LOXL2: variants seen among roughly 807,000 people sequenced by gnomAD.
LOXL2 encodes lysyl oxidase homolog 2.
Under a neutral mutation model 93.0 loss-of-function variants are expected in LOXL2, and 70 were observed. The ratio of observed to expected loss-of-function variants is 0.75; its 90% CI spans 0.62 to 0.92. The LOEUF is 0.92. Among genes scored for constraint, LOXL2 ranks in the 40% least tolerant of loss-of-function variants. The pLI is 0.00. For missense variants in LOXL2, 973 were observed against 1,054.9 expected (o/e 0.92, Z 1.08); for synonymous variants, 438 against 413.2 (o/e 1.06, Z -0.73).
chr8:23,397,815 C>T (rs1450236637), intron 1 of LOXL2, among the ~76,000 whole-genome samples: 4 of 148,852 alleles, frequency 2.7e-5, no homozygotes, highest in South Asian at 2.1e-4. Context: ...TATGCTTTTC[C>T]GTGGGCATAG....
chr8:23,402,089 C>A (rs188903814), intron 1 of LOXL2, among the ~76,000 whole-genome samples: 3 of 152,080 alleles, frequency 2.0e-5, no homozygotes, highest in African/African-American at 7.2e-5. Context: ...CATACACATG[C>A]AAACATGCAC....
At chr8:23,349,461 C>A (rs1434407351) in intron 3 of LOXL2, among the ~76,000 whole-genome samples, 1 of 152,114 alleles carries the variant, frequency 6.6e-6, no homozygotes, top group Non-Finnish European at 1.5e-5. Flanking sequence ...CTGTGTGAGA[C>A]CCTAAAAGGA....
At position 23,322,168 on chromosome 8, in the gene LOXL2, C is replaced by T; in HGVS notation, c.1264G>A (p.Val422Met). 6.2e-7 allele frequency: 1 copy of T among 1,614,240 alleles called. No homozygotes were observed. The highest frequency in any genetic ancestry group is 8.5e-7 in the Non-Finnish European group (1 of 1,180,036). Residue 422 changes from valine (V) to methionine (M), a missense_variant, in exon 7 of 14, where the codon GTG becomes ATG. Val to Met is a conservative substitution (Grantham distance 21). Transcript: ENST00000389131. ...CCCATGGCAGGGGTGTTGCATCTCA[C>T]ACCAGCATCCTCCTCGTGGTTGCAG... ...QGCNHEEDAG[V>M]RCNTPAMGLQ...
intron 3 of LOXL2, among the ~76,000 whole-genome samples, chr8:23,343,388 C>T (rs1026255929): frequency 6.6e-6 from 1 of 152,220 alleles, no homozygotes; most frequent in Non-Finnish European, 1.5e-5. Flanking sequence ...CAGTTCCCTC[C>T]CTAGGGCCAC....
At chr8:23,324,242 G>A (rs917320785) in intron 6 of LOXL2, among the ~76,000 whole-genome samples, 2 of 152,174 alleles carry the variant, frequency 1.3e-5, no homozygotes, top group African/African-American at 4.8e-5. Context: ...AACTTGCGTG[G>A]CTGTCTCAGC....
chr8:23,304,591 A>G (rs1803198010), intron 10 of LOXL2, among the ~76,000 whole-genome samples: 2 of 152,216 alleles, frequency 1.3e-5, no homozygotes. Context: ...CTCTTCGGCA[A>G]AGAGGGGAGG....
intron 1 of LOXL2, among the ~76,000 whole-genome samples, chr8:23,390,235 G>A (rs181168501): frequency 2.0e-5 from 3 of 152,286 alleles, no homozygotes; most frequent in Admixed American, 2.0e-4. Flanking sequence ...TGGCCCCACG[G>A]GGAACACATT....
chr8:23,304,699 C>G (rs1286981098), intron 10 of LOXL2, among the ~76,000 whole-genome samples: 2 of 152,168 alleles, frequency 1.3e-5, no homozygotes, highest in African/African-American at 2.4e-5. Context: ...ACTTGACATA[C>G]CTGTCCCCTT....
chr8:23,342,791 C>T (rs1000100330), intron 3 of LOXL2, among the ~76,000 whole-genome samples: 3 of 151,960 alleles, frequency 2.0e-5, no homozygotes, highest in Non-Finnish European at 4.4e-5. Flanking sequence ...CACTCTGTTG[C>T]CCAGGCTGGA....
intron 1 of LOXL2, among the ~76,000 whole-genome samples, chr8:23,376,676 A>C (rs1479366421): frequency 1.3e-5 from 2 of 152,100 alleles, no homozygotes; most frequent in African/African-American, 2.4e-5. Context: ...GGGAGAGTGT[A>C]TGTGTCCAGG....
chr8:23,340,977 G>A lies in LOXL2; in HGVS notation c.743+15C>T, dbSNP rs771377828. On this transcript the variant is annotated intron_variant, in intron 4 of 13. Coordinates refer to ENST00000389131, the MANE Select transcript of LOXL2 (RefSeq NM_002318.3). Reference sequence around the variant, plus strand: ...GGATACCCTCAAAGCCACCCCTTTGGTGCAGTCCTCTTACTTGTACACTTT... The same window carrying A: ...GGATACCCTCAAAGCCACCCCTTTGATGCAGTCCTCTTACTTGTACACTTT... 6.2e-7 allele frequency: 1 copy of A among 1,608,178 alleles called. No individual in the cohort carries two copies. The highest frequency in any genetic ancestry group is 2.2e-5 in the East Asian group (1 of 44,862).
Position 23,317,096 on chromosome 8 carries a change from C to T in LOXL2, c.1489G>A (p.Gly497Arg), listed in dbSNP as rs370872248. ...NAFQETWYWH[G>R]DVNSNKVVMS... ...ACCACTTTGTTGCTGTTGACATCTC[C>T]GTGCCAATACCAGGTCTCCTGGAAG... Residue 497 changes from glycine (G) to arginine (R), a missense_variant, in exon 9 of 14, where the codon GGA becomes AGA. By Grantham distance (125) the Gly-to-Arg change is moderately radical (BLOSUM62 -2). Transcript: ENST00000389131. 22 of 1,614,066 alleles carry T rather than the reference C, an allele frequency of 1.4e-5. No individual in the cohort carries two copies. The highest frequency in any genetic ancestry group is 5.3e-5 in the African/African-American group (4 of 74,920).
intron 3 of LOXL2, among the ~76,000 whole-genome samples, chr8:23,346,142 T>TAAAAA (rs1554479818): frequency 8.9e-4 from 100 of 112,546 alleles, no homozygotes; most frequent in African/African-American, 2.8e-3. Flanking sequence ...TAAAATAAAA[T>TAAAAA]AAATAAAATA....
intron 1 of LOXL2, among the ~76,000 whole-genome samples, chr8:23,393,766 AGC>A (rs1354441259): frequency 6.6e-6 from 1 of 152,236 alleles, no homozygotes; most frequent in African/African-American, 2.4e-5. Context: ...GAACCAGGGC[AGC>A]AGTGGTGAGG....
At position 23,351,843 on chromosome 8, in the gene LOXL2, C is replaced by CT. The variant is rs1329417910; in HGVS notation, c.531+8246dup. ...GCGGAATGTGAGGGCTAGACAGGATCTTTTTCTCTCTTTTTGAGATGGAGT... is the reference window on the plus strand; with the variant it reads ...GCGGAATGTGAGGGCTAGACAGGATCTTTTTTCTCTCTTTTTGAGATGGAGT... On this transcript the variant is annotated intron_variant, in intron 3 of 13. Transcript: ENST00000389131. Among the ~76,000 whole-genome samples the CT allele has an allele frequency of 9.5e-3, 1,445 of 152,126 alleles. 33 individuals carry two copies. The highest frequency in any genetic ancestry group is 0.033 in the African/African-American group (1,388 of 41,490).
At chr8:23,326,017 G>T (rs1274304814) in intron 6 of LOXL2, among the ~76,000 whole-genome samples, 1 of 152,258 alleles carries the variant, frequency 6.6e-6, no homozygotes, top group Admixed American at 6.5e-5. Flanking sequence ...GGAGGACTCA[G>T]ATTGCCCGAC....
Position 23,302,049 on chromosome 8 carries a change from G to A in LOXL2, c.2111C>T (p.Pro704Leu). 2 of 1,614,110 alleles carry A rather than the reference G, an allele frequency of 1.2e-6. No individual in the cohort carries two copies. The highest frequency in any genetic ancestry group is 1.7e-6 in the Non-Finnish European group (2 of 1,180,002). ...DCQWVDITDVPPGDYLFQVVI... is the reference protein window; with the variant it reads ...DCQWVDITDVLPGDYLFQVVI... ...CACCTGGAACAGGTAGTCTCCAGGG[G>A]GCACGTCAGTGATGTCAACCCACTG... The change falls in exon 12 of 14, where the codon CCC becomes CTC. Residue 704 changes from proline (P) to leucine (L), a missense_variant. By Grantham distance (98) the Pro-to-Leu change is moderately conservative. Transcript: ENST00000389131.
chr8:23,369,988 G>C (rs187195849), intron 1 of LOXL2, among the ~76,000 whole-genome samples: 2 of 152,126 alleles, frequency 1.3e-5, no homozygotes, highest in African/African-American at 4.8e-5. Context: ...AACCAGAGAG[G>C]GTTAGAGATT....
chr8:23,368,874 C>A (rs1388816618), intron 1 of LOXL2, among the ~76,000 whole-genome samples: 1 of 143,502 alleles, frequency 7.0e-6, no homozygotes, highest in African/African-American at 2.5e-5. Flanking sequence ...GTGGCCCTCA[C>A]TGGAGGGTCT....
Sources: allele counts gnomAD v4.1 joint callset (sites outside exome capture counted in the v4.1 genomes callset), GRCh38; gene constraint gnomAD v4.1.1; transcripts MANE v1.5; gene names NCBI Gene and HGNC (gene_info 2026-07-23, HGNC 2026-07-21).